SPNS2: variants seen among roughly 807,000 people sequenced by gnomAD.
SPNS2 encodes the protein sphingosine-1-phosphate transporter SPNS2.
Under a neutral mutation model 57.6 loss-of-function variants are expected in SPNS2, and 37 were observed. The observed-to-expected ratio is 0.64, with a 90% CI of 0.49 to 0.85. The LOEUF (loss-of-function observed/expected upper bound fraction) is 0.85, where lower values mean the gene tolerates loss of function less well. Among genes scored for constraint, SPNS2 ranks in the 40% least tolerant of loss-of-function variants. The probability of loss-of-function intolerance (pLI) is 0.00; values close to 1 mark genes in which losing one functional copy is unlikely to be tolerated. For missense variants in SPNS2, 831 were observed against 779.1 expected, an observed-to-expected ratio of 1.07 and a Z score of -0.79; for synonymous variants, 440 against 346.9, an observed-to-expected ratio of 1.27 and a Z score of -2.98.
In SPNS2 at chr17:4,511,604, T is replaced by C. The variant is rs932503435; in HGVS notation, c.371-1643T>C. Among the ~76,000 whole-genome samples the C allele has an allele frequency of 1.3e-5, 2 of 152,234 alleles. No individual in the cohort carries two copies. The highest frequency in any genetic ancestry group is 2.9e-5 in the Non-Finnish European group (2 of 68,032). On this transcript the variant is annotated intron_variant, in intron 1 of 12. Transcript: ENST00000329078. The surrounding 1 kb of genome is among the most constrained non-coding windows in gnomAD (Gnocchi z 4.6). ...CCTCAGAGGTCCCTCTTGCTGGCTC[T>C]GCCATCCACAGGCCTAGGATTGGCC...
At chr17:4,516,965 G>A (rs1367181041) in intron 2 of SPNS2, among the ~76,000 whole-genome samples, 2 of 152,180 alleles carry the variant, frequency 1.3e-5, no homozygotes, top group East Asian at 1.9e-4. Flanking sequence ...AAAAAGTAGT[G>A]AGAATGGCGC....
intron 11 of SPNS2, 110 bp from the exon 12 acceptor site, chr17:4,536,790 C>T (rs754731046): frequency 7.7e-6 from 7 of 905,076 alleles, no homozygotes; most frequent in Non-Finnish European, 1.3e-5. Context: ...GACGAGGTCC[C>T]TGCCCAGCAC....
At chr17:4,503,502 G>A (rs1387579830) in intron 1 of SPNS2, among the ~76,000 whole-genome samples, 1 of 152,228 alleles carries the variant, frequency 6.6e-6, no homozygotes, top group African/African-American at 2.4e-5. Flanking sequence ...AGCCACCTCT[G>A]CCACCCAGGC....
At chr17:4,525,950 CAG>C (rs1410205839) in intron 3 of SPNS2, among the ~76,000 whole-genome samples, 1 of 152,098 alleles carries the variant, frequency 6.6e-6, no homozygotes, top group Non-Finnish European at 1.5e-5. Flanking sequence ...CGTATTCAAG[CAG>C]AGAGTGGCAA....
chr17:4,536,789 C>A, intron 11 of SPNS2, 111 bp from the exon 12 acceptor site: 1 of 889,118 alleles, frequency 1.1e-6, no homozygotes, highest in African/African-American at 1.6e-5. Flanking sequence ...TGACGAGGTC[C>A]CTGCCCAGCA....
Position 4,512,699 on chromosome 17 carries a change from GGT to G in SPNS2, c.371-542_371-541del, listed in dbSNP as rs1221354855. 1.3e-5 allele frequency among the ~76,000 whole-genome samples: 2 copies of G among 151,256 alleles called. No individual in the cohort carries two copies. The highest frequency in any genetic ancestry group is 2.9e-5 in the Non-Finnish European group (2 of 67,858). ...GCGTGGGTGTGTATGCATGTGTGCA[GGT>G]GTGTGCACACACGTGCGTGCGTGTG... On this transcript the variant is annotated intron_variant, in intron 1 of 12. Coordinates refer to ENST00000329078, the MANE Select transcript of SPNS2 (RefSeq NM_001124758.3). The surrounding 1 kb of genome is among the most constrained non-coding windows in gnomAD (Gnocchi z 5.2).
chr17:4,536,752 C>T (rs1905838105), intron 11 of SPNS2, 148 bp from the exon 12 acceptor site: 1 of 711,078 alleles, frequency 1.4e-6, no homozygotes, highest in Admixed American at 2.2e-5. Flanking sequence ...CTCCCCACCC[C>T]TGGGCTCTCC....
At chr17:4,521,402 T>C (rs1002039737) in intron 2 of SPNS2, among the ~76,000 whole-genome samples, 2 of 152,228 alleles carry the variant, frequency 1.3e-5, no homozygotes, top group Non-Finnish European at 2.9e-5. Flanking sequence ...GAGGAAATAA[T>C]TTCTGCCTTG....
At position 4,529,366 on chromosome 17, in the gene SPNS2, C is replaced by T. The variant is rs1053130468; in HGVS notation, c.574-1266C>T. Among the ~76,000 whole-genome samples the T allele has an allele frequency of 3.3e-5, 5 of 152,160 alleles. No individual in the cohort carries two copies. In the East Asian group the frequency reaches 7.8e-4, roughly 24 times the overall value. On this transcript the variant is annotated intron_variant, in intron 3 of 12. Coordinates refer to ENST00000329078, the MANE Select transcript of SPNS2 (RefSeq NM_001124758.3). ...AAGTGCTGGGATTATAGGCACGAGC[C>T]CCCATGCCCAGCCTCATGTTTGTTC...
chr17:4,535,983 G>C (rs1375719639), intron 9 of SPNS2, 93 bp from the exon 10 acceptor site: 1 of 1,019,066 alleles, frequency 9.8e-7, no homozygotes, highest in East Asian at 2.5e-5. Context: ...GAGTCTGAGG[G>C]TGTGGGGGCT....
chr17:4,528,430 C>T (rs1364919302), intron 3 of SPNS2, among the ~76,000 whole-genome samples: 10 of 152,178 alleles, frequency 6.6e-5, no homozygotes, highest in East Asian at 1.9e-4. Context: ...GGATAAGATG[C>T]GTGGAGGGTT....
intron 2 of SPNS2, 120 bp from the exon 3 acceptor site, chr17:4,524,937 C>T: frequency 2.1e-6 from 3 of 1,442,450 alleles, no homozygotes; most frequent in Admixed American, 4.4e-5. Context: ...GGTTTCCTCT[C>T]TGGGCTGCTT....
intron 2 of SPNS2, among the ~76,000 whole-genome samples, chr17:4,517,528 C>T (rs770691745): frequency 1.2e-4 from 18 of 152,158 alleles, no homozygotes; most frequent in African/African-American, 2.9e-4. Flanking sequence ...ATGGTGTGGG[C>T]GCCTGTAATC....
intron 2 of SPNS2, among the ~76,000 whole-genome samples, chr17:4,524,247 G>C (rs1212201777): frequency 6.6e-6 from 1 of 152,178 alleles, no homozygotes; most frequent in Admixed American, 6.5e-5. Flanking sequence ...AGGCTCTGGA[G>C]TCAGGCAGCT....
intron 9 of SPNS2, 95 bp from the exon 10 acceptor site, chr17:4,535,981 G>C: frequency 1.0e-6 from 1 of 999,414 alleles, no homozygotes; most frequent in Non-Finnish European, 1.5e-6. Flanking sequence ...GTGAGTCTGA[G>C]GGTGTGGGGG....
chr17:4,499,341 C>T lies in SPNS2; in HGVS notation c.294C>T (p.Gly98=), dbSNP rs1167073996. 2.0e-6 allele frequency: 3 copies of T among 1,464,652 alleles called. No homozygotes were observed. The highest frequency in any genetic ancestry group is 2.5e-5 in the Admixed American group (1 of 40,168). The allele number at this position is 1,464,652 out of a possible 1,614,324, so 90.7% of individuals were successfully genotyped here. A position where few individuals can be genotyped will look rare whatever the true frequency, so the allele number is the denominator to read the frequency against. The change falls in exon 1 of 13, where the codon GGC becomes GGT. Residue 98 remains glycine (G), a synonymous_variant. Transcript: ENST00000329078. The surrounding 1 kb of genome is among the most constrained non-coding windows in gnomAD (Gnocchi z 5.2). ...GAQQPKPASL[G]RGRGAAAAIL... is the part of the protein sequence containing the mutation. The stretch of plus-strand genomic sequence containing the variant: ...AGCAGCCCAAACCGGCCAGCTTGGG[C>T]CGCGGGCGGGGGGCAGCCGCCGCCA...
chr17:4,531,730 T>TC (rs1017967927), intron 5 of SPNS2, among the ~76,000 whole-genome samples: 2 of 151,574 alleles, frequency 1.3e-5, no homozygotes, highest in African/African-American at 4.9e-5. Context: ...GCAGAGGAAC[T>TC]CCCCAACCCA....
intron 2 of SPNS2, among the ~76,000 whole-genome samples, chr17:4,514,536 G>A (rs927065015): frequency 6.6e-6 from 1 of 152,234 alleles, no homozygotes; most frequent in African/African-American, 2.4e-5. Context: ...GGCTCAGAGA[G>A]AGGGGTTGCG....
intron 2 of SPNS2, among the ~76,000 whole-genome samples, chr17:4,520,193 C>T (rs1036305849): frequency 4.6e-5 from 7 of 152,198 alleles, no homozygotes; most frequent in South Asian, 4.1e-4. Context: ...GCTAAGGGCA[C>T]GTAGGTGCTT....
Sources: allele counts gnomAD v4.1 joint callset (sites outside exome capture counted in the v4.1 genomes callset), GRCh38; gene constraint gnomAD v4.1.1; non-coding constraint Gnocchi (gnomAD v3.1); transcripts MANE v1.5; gene names NCBI Gene and HGNC (gene_info 2026-07-23, HGNC 2026-07-21).